SOAT1: variants seen among roughly 807,000 people sequenced by gnomAD.
SOAT1 encodes acyl-coenzyme A:cholesterol acyltransferase 1.
SOAT1 carries 55 observed loss-of-function variants against 69.5 expected under a neutral mutation model. That is an observed-to-expected ratio of 0.79 (90% confidence interval 0.64 to 0.99). The LOEUF is 0.99. Among genes scored for constraint, SOAT1 ranks in the 50% least tolerant of loss-of-function variants. The pLI, the probability that SOAT1 is intolerant of heterozygous loss-of-function variation, is 0.00. For synonymous variants in SOAT1, 231 were observed against 224.7 expected, an observed-to-expected ratio of 1.03 and a Z score of -0.25; for missense variants, 580 against 669.3, an observed-to-expected ratio of 0.87 and a Z score of 1.47.
chr1:179,344,837 T>C (rs1180487505), intron 10 of SOAT1, 110 bp from the exon 11 acceptor site: 5 of 979,034 alleles, frequency 5.1e-6, no homozygotes, highest in Middle Eastern at 2.9e-4. Context: ...GGAATACATA[T>C]GCGAACATTA....
Position 179,348,921 on chromosome 1 carries a change from T to C in SOAT1, c.1293T>C (p.Tyr431=). The C allele has an allele frequency of 1.9e-6, 3 of 1,600,200 alleles. No individual in the cohort carries two copies. Among genetic ancestry groups the C allele is most frequent in the Admixed American group, 3.3e-5 (2 of 59,990 alleles). ...NVVVHDWLYY[Y]AYKDFLWFFS... ...TGGTCCATGACTGGCTATATTACTA[T>C]GCTTACAAGGACTTTCTCTGGGTAA... The change falls in exon 13 of 16, where the codon TAT becomes TAC. Residue 431 remains tyrosine (Y), a synonymous_variant. Transcript: ENST00000367619.
chr1:179,303,162 A>G (rs1041452098), intron 2 of SOAT1, among the ~76,000 whole-genome samples: 11 of 152,346 alleles, frequency 7.2e-5, no homozygotes, highest in African/African-American at 2.6e-4. Context: ...ACATAACTAG[A>G]TTTATCACAG....
chr1:179,305,776 A>G (rs1217975581), intron 2 of SOAT1, among the ~76,000 whole-genome samples: 3 of 152,256 alleles, frequency 2.0e-5, no homozygotes, highest in Non-Finnish European at 4.4e-5. Flanking sequence ...TCCAGCCAAC[A>G]GATTAATAAT....
At chr1:179,306,535 A>G (rs1665009701) in intron 2 of SOAT1, among the ~76,000 whole-genome samples, 1 of 152,128 alleles carries the variant, frequency 6.6e-6, no homozygotes, top group Non-Finnish European at 1.5e-5. Context: ...GAAGCGTTAA[A>G]AGTAGCACCA....
intron 3 of SOAT1, among the ~76,000 whole-genome samples, chr1:179,332,501 A>G (rs12072540): frequency 6.6e-6 from 1 of 152,146 alleles, no homozygotes; most frequent in African/African-American, 2.4e-5. Flanking sequence ...AGTTTACTAG[A>G]TTACCTAAAA....
chr1:179,309,451 A>G (rs1665144808), intron 2 of SOAT1, among the ~76,000 whole-genome samples: 1 of 152,170 alleles, frequency 6.6e-6, no homozygotes, highest in South Asian at 2.1e-4. Flanking sequence ...ACATTATCAA[A>G]TTTCCTTTAA....
intron 10 of SOAT1, among the ~76,000 whole-genome samples, chr1:179,344,048 G>T (rs1030508957): frequency 6.6e-6 from 1 of 152,044 alleles, no homozygotes; most frequent in African/African-American, 2.4e-5. Flanking sequence ...TTGAACCTGG[G>T]ATATGGAGGT....
In SOAT1 at chr1:179,342,932, C is replaced by T; in HGVS notation, c.930C>T (p.Asp310=). ...FLFAPTLIYR[D]SYPRNPTVRW... The stretch of plus-strand genomic sequence containing the variant: ...TTGCTCCTACCCTTATCTACCGTGA[C>T]AGCTATCCCAGGTAATGGTACTGTG... The change falls in exon 9 of 16, where the codon GAC becomes GAT. Residue 310 remains aspartate, a synonymous_variant. Coordinates refer to ENST00000367619, the MANE Select transcript of SOAT1 (RefSeq NM_003101.6). 2 of 1,612,498 alleles carry T rather than the reference C, an allele frequency of 1.2e-6. No homozygotes were observed. The highest frequency in any genetic ancestry group is 1.7e-6 in the Non-Finnish European group (2 of 1,178,576).
In SOAT1 at chr1:179,344,352, G is replaced by GTTTTTTTTTTTTTTT. The variant is rs762911049; in HGVS notation, c.988-595_988-594insTTTTTTTTTTTTTTT. ...TATGAAGTAAGTTCTTTCATTAAGG[G>GTTTTTTTTTTTTTTT]GTTTTTTTTTTTTTTTTTTTTTTTT... is the stretch of plus-strand genomic sequence containing the variant. On this transcript the variant is annotated intron_variant, in intron 10 of 15. Coordinates refer to ENST00000367619, the MANE Select transcript of SOAT1 (RefSeq NM_003101.6). Among the ~76,000 whole-genome samples the GTTTTTTTTTTTTTTT allele has an allele frequency of 1.3e-4, 16 of 120,524 alleles. 5 individuals carry two copies. The highest frequency in any genetic ancestry group is 2.9e-4 in the South Asian group (1 of 3,504). 79.1% of individuals were successfully genotyped at this position (120,524 alleles called of 152,430 possible).
At chr1:179,298,433 G>A (rs985393935) in intron 1 of SOAT1, among the ~76,000 whole-genome samples, 1 of 152,068 alleles carries the variant, frequency 6.6e-6, no homozygotes, top group Non-Finnish European at 1.5e-5. Flanking sequence ...TAGCTTGATG[G>A]TTGAGGAACC....
intron 3 of SOAT1, among the ~76,000 whole-genome samples, chr1:179,332,813 T>C (rs1398336183): frequency 2.0e-5 from 3 of 152,370 alleles, no homozygotes; most frequent in South Asian, 2.1e-4. Context: ...TTTCTTGTAC[T>C]ATATTTCTTA....
intron 9 of SOAT1, 28 bp downstream of exon 9, chr1:179,342,971 G>A (rs1191409568): frequency 2.6e-6 from 4 of 1,560,650 alleles, no homozygotes; most frequent in Admixed American, 3.3e-5. Context: ...CAGAAATGTG[G>A]TAAACACCAA....
chr1:179,345,121 G>A (rs370830676), intron 11 of SOAT1, 45 bp downstream of exon 11: 18 of 1,604,108 alleles, frequency 1.1e-5, no homozygotes, highest in Non-Finnish European at 1.4e-5. Context: ...AATTCACGAG[G>A]TAAATAGAAA....
intron 3 of SOAT1, among the ~76,000 whole-genome samples, chr1:179,330,437 G>A (rs563769561): frequency 6.6e-6 from 1 of 152,336 alleles, no homozygotes; most frequent in African/African-American, 2.4e-5. Flanking sequence ...TTTGGGTACA[G>A]TAAACTATTA....
chr1:179,295,935 G>A (rs1481992721), intron 1 of SOAT1, among the ~76,000 whole-genome samples: 1 of 146,954 alleles, frequency 6.8e-6, no homozygotes, highest in African/African-American at 2.5e-5. Context: ...AAGTAGCTGG[G>A]ATTACGGGCA....
intron 2 of SOAT1, among the ~76,000 whole-genome samples, chr1:179,318,137 GTGAGC>G (rs1331205655): frequency 6.6e-6 from 1 of 151,806 alleles, no homozygotes; most frequent in African/African-American, 2.4e-5. Flanking sequence ...AGAGGCTGCA[GTGAGC>G]TGTGATTGTG....
rs1453704338 is a variant in SOAT1 at position 179,353,677 on chromosome 1, T to C, written c.*36T>C. 1.3e-6 allele frequency: 2 copies of C among 1,551,652 alleles called. No individual in the cohort carries two copies. The highest frequency in any genetic ancestry group is 1.4e-5 in the African/African-American group (1 of 73,562). ...TTTGTTTCCTCCTTGTCACTGAAGA[T>C]TGGGTAGCTCCCTGATTTGGAGCCA... is the stretch of plus-strand genomic sequence containing the variant. On this transcript the variant is annotated 3_prime_UTR_variant, in exon 16 of 16. Transcript: ENST00000367619.
chr1:179,315,897 A>G (rs1439251263), intron 2 of SOAT1, among the ~76,000 whole-genome samples: 1 of 152,254 alleles, frequency 6.6e-6, no homozygotes, highest in African/African-American at 2.4e-5. Context: ...TTTTTATGAA[A>G]TAGTTCATTT....
intron 2 of SOAT1, among the ~76,000 whole-genome samples, chr1:179,313,393 G>C (rs376913583): frequency 0.045 from 6,300 of 141,522 alleles, 193 homozygotes; most frequent in Non-Finnish European, 0.066. Context: ...AAACACTATA[G>C]TTATGATATG....
Sources: allele counts gnomAD v4.1 joint callset (sites outside exome capture counted in the v4.1 genomes callset), GRCh38; gene constraint gnomAD v4.1.1; transcripts MANE v1.5; gene names NCBI Gene and HGNC (gene_info 2026-07-23, HGNC 2026-07-21).